C8orf34: variants seen among roughly 807,000 people sequenced by gnomAD.
C8orf34 encodes uncharacterized protein C8orf34.
In C8orf34, 65 loss-of-function variants were observed where a neutral mutation model predicts 68.3. The ratio of observed to expected loss-of-function variants is 0.95; its 90% confidence interval spans 0.78 to 1.17. C8orf34 has a LOEUF of 1.17. C8orf34 is among the 50% of genes most tolerant of loss of function. C8orf34 has a pLI of 0.00. For missense variants in C8orf34, 664 were observed against 655.4 expected, an observed-to-expected ratio of 1.01 and a Z score of -0.14; for synonymous variants, 244 against 241.2, an observed-to-expected ratio of 1.01 and a Z score of -0.11.
intron 7 of C8orf34, among the ~76,000 whole-genome samples, chr8:68,539,716 T>C (rs1426148356): frequency 6.6e-6 from 1 of 151,946 alleles, no homozygotes; most frequent in Admixed American, 6.6e-5. Flanking sequence ...TAGCCAGGCA[T>C]GGTGGCACAT....
intron 1 of C8orf34, among the ~76,000 whole-genome samples, chr8:68,408,223 T>A (rs1225909075): frequency 6.6e-6 from 1 of 151,642 alleles, no homozygotes. Flanking sequence ...TAATGCCTGA[T>A]GATCTGTCAC....
chr8:68,597,972 C>T (rs1310137709), intron 7 of C8orf34, among the ~76,000 whole-genome samples: 1 of 152,086 alleles, frequency 6.6e-6, no homozygotes, highest in Non-Finnish European at 1.5e-5. Context: ...ATACTACATT[C>T]AAGAACATTA....
intron 7 of C8orf34, among the ~76,000 whole-genome samples, chr8:68,589,217 A>G (rs1019032291): frequency 1.3e-5 from 2 of 152,200 alleles, no homozygotes; most frequent in African/African-American, 4.8e-5. Context: ...ATTTAATATT[A>G]TCTTTCTGTC....
At chr8:68,748,525 C>G (rs1822585383) in intron 10 of C8orf34, among the ~76,000 whole-genome samples, 1 of 151,718 alleles carries the variant, frequency 6.6e-6, no homozygotes, top group Non-Finnish European at 1.5e-5. Flanking sequence ...ACAATGAACT[C>G]AAATAAATTT....
chr8:68,761,572 C>T (rs1585843551), intron 10 of C8orf34, among the ~76,000 whole-genome samples: 1 of 152,254 alleles, frequency 6.6e-6, no homozygotes, highest in Non-Finnish European at 1.5e-5. Context: ...TTCTGTCCTT[C>T]GGATGAAAAA....
chr8:68,469,208 T>A (rs1321208789), intron 4 of C8orf34, among the ~76,000 whole-genome samples: 2 of 152,050 alleles, frequency 1.3e-5, no homozygotes, highest in East Asian at 3.9e-4. Context: ...CTAAACTTCT[T>A]AAGGATGGTA....
chr8:68,716,114 A>G (rs1387068509), intron 9 of C8orf34, among the ~76,000 whole-genome samples: 1 of 151,894 alleles, frequency 6.6e-6, no homozygotes, highest in Non-Finnish European at 1.5e-5. Flanking sequence ...GAGCTAAGCT[A>G]TGAGGACGAA....
chr8:68,707,706 G>A (rs1401062196), intron 8 of C8orf34, among the ~76,000 whole-genome samples: 1 of 152,082 alleles, frequency 6.6e-6, no homozygotes, highest in Non-Finnish European at 1.5e-5. Context: ...CTCCCGAAGT[G>A]CTGAGATTAC....
rs536370617 is a variant in C8orf34, at chr8:68,502,098, G to T, written c.765+14047G>T. 3.9e-5 allele frequency among the ~76,000 whole-genome samples: 6 copies of T among 152,086 alleles called. No homozygotes were observed. In the South Asian group the frequency reaches 1.2e-3, roughly 32 times the overall value. ...TGTTTATTCGTTTTTTGACAGTCTC[G>T]CTCTGTCCCCAGGCTGGAGTGCAGT... On this transcript the variant is annotated intron_variant, in intron 5 of 13. Transcript: ENST00000518698.
At chr8:68,620,692 G>A (rs1385269277) in intron 7 of C8orf34, among the ~76,000 whole-genome samples, 5 of 149,154 alleles carry the variant, frequency 3.4e-5, no homozygotes, top group Non-Finnish European at 7.4e-5. Flanking sequence ...AGTTTACTGG[G>A]AAAAAAAAAA....
chr8:68,755,789 C>T (rs117217561), intron 10 of C8orf34, among the ~76,000 whole-genome samples: 5 of 151,952 alleles, frequency 3.3e-5, no homozygotes, highest in Non-Finnish European at 7.4e-5. Context: ...TGGCCAGGCG[C>T]GGTGGCTCAC....
At chr8:68,446,196 G>A (rs546733888) in intron 2 of C8orf34, 133 bp from the exon 3 acceptor site, 3 of 677,958 alleles carry the variant, frequency 4.4e-6, no homozygotes, top group East Asian at 5.2e-5. Context: ...TAATACCTTT[G>A]CGTGGGTACA....
chr8:68,494,273 AT>A (rs1813430563), intron 5 of C8orf34, among the ~76,000 whole-genome samples: 1 of 152,248 alleles, frequency 6.6e-6, no homozygotes, highest in Admixed American at 6.5e-5. Context: ...TAAGCCAGTC[AT>A]AAAAAGACAA....
intron 4 of C8orf34, among the ~76,000 whole-genome samples, chr8:68,483,067 A>T (rs1812928531): frequency 6.6e-6 from 1 of 152,192 alleles, no homozygotes; most frequent in Non-Finnish European, 1.5e-5. Flanking sequence ...TGTGAAATGA[A>T]TTACACTAAG....
chr8:68,407,321 G>GC (rs1809244967), intron 1 of C8orf34, among the ~76,000 whole-genome samples: 1 of 150,920 alleles, frequency 6.6e-6, no homozygotes, highest in Non-Finnish European at 1.5e-5. Flanking sequence ...TAATTCCCTG[G>GC]CCCCCCATTT....
chr8:68,780,215 G>C (rs1799126154), intron 11 of C8orf34, among the ~76,000 whole-genome samples: 7 of 152,180 alleles, frequency 4.6e-5, no homozygotes, highest in Admixed American at 4.6e-4. Context: ...TTCCATAATT[G>C]TAAAATAGCT....
At chr8:68,782,063 T>C (rs926207725) in intron 11 of C8orf34, among the ~76,000 whole-genome samples, 6 of 152,230 alleles carry the variant, frequency 3.9e-5, no homozygotes, top group Admixed American at 1.3e-4. Context: ...AACCAAAATA[T>C]TTTTAAATTA....
intron 9 of C8orf34, among the ~76,000 whole-genome samples, chr8:68,719,646 G>A (rs1038386889): frequency 1.3e-5 from 2 of 151,736 alleles, no homozygotes; most frequent in Non-Finnish European, 2.9e-5. Flanking sequence ...TAATCAAGCA[G>A]AATGACATCT....
chr8:68,631,826 C>T (rs1818698562), intron 7 of C8orf34, among the ~76,000 whole-genome samples: 1 of 152,154 alleles, frequency 6.6e-6, no homozygotes, highest in African/African-American at 2.4e-5. Context: ...TCTTGCTTCC[C>T]CTTCACCATC....
Sources: gnomAD v4.1 joint callset for allele counts (sites outside exome capture counted in the v4.1 genomes callset) on GRCh38, gnomAD v4.1.1 for gene constraint, MANE v1.5 for transcripts, NCBI Gene and HGNC (gene_info 2026-07-23, HGNC 2026-07-21) for gene names.